WDR49: variants seen among roughly 807,000 people sequenced by gnomAD.
The protein encoded by WDR49 is cilia- and flagella-associated protein 337.
WDR49 carries 107 observed loss-of-function variants against 119.5 expected under a neutral mutation model. The ratio of observed to expected loss-of-function variants is 0.90; its 90% CI spans 0.77 to 1.05. The LOEUF (loss-of-function observed/expected upper bound fraction) is 1.05. WDR49 is among the 50% of genes least tolerant of loss of function. The probability of loss-of-function intolerance (pLI) is 0.00; values close to 1 mark genes in which losing one functional copy is unlikely to be tolerated. For synonymous variants in WDR49, 425 were observed against 418.8 expected (o/e 1.01, Z -0.18); for missense variants, 1,240 against 1,220.5 (o/e 1.02, Z -0.24).
At position 167,646,129 on chromosome 3, in the gene WDR49, C is replaced by G. The variant is rs1446741197; in HGVS notation, c.165+7132G>C. On this transcript the variant is annotated intron_variant, in intron 2 of 18. Transcript: ENST00000682715. ...TGACTGAAACTCTTTGGGTAATGGC[C>G]CAGGTCAGATAATTTTGTGATGGAC... Among the ~76,000 whole-genome samples the G allele has an allele frequency of 2.6e-5, 4 of 151,930 alleles. No homozygotes were observed. The East Asian group carries it at 7.7e-4, about 29-fold the overall frequency.
chr3:167,646,942 G>T (rs1187431711), intron 2 of WDR49, among the ~76,000 whole-genome samples: 1 of 152,014 alleles, frequency 6.6e-6, no homozygotes, highest in Admixed American at 6.6e-5. Flanking sequence ...CTTGGGAAAC[G>T]GTCAGAAATC....
intron 10 of WDR49, 51 bp from the exon 11 acceptor site, chr3:167,537,051 A>G (rs770020106): frequency 6.7e-7 from 1 of 1,503,118 alleles, no homozygotes. Context: ...TGATGTAGAC[A>G]TTGAGTAGCC....
intron 10 of WDR49, among the ~76,000 whole-genome samples, chr3:167,538,232 G>A (rs189440302): frequency 2.0e-5 from 3 of 152,044 alleles, no homozygotes; most frequent in Admixed American, 6.6e-5. Context: ...TGACAGTTCT[G>A]TATAATGCTT....
At chr3:167,592,600 A>G (rs1424115677) in intron 7 of WDR49, among the ~76,000 whole-genome samples, 1 of 151,836 alleles carries the variant, frequency 6.6e-6, no homozygotes. Context: ...ACGCCCAGCT[A>G]ATTTTTGTAT....
chr3:167,610,454 C>A (rs1716287785), intron 5 of WDR49, among the ~76,000 whole-genome samples: 1 of 152,176 alleles, frequency 6.6e-6, no homozygotes, highest in Non-Finnish European at 1.5e-5. Flanking sequence ...GCTTCTCTGC[C>A]TTTGGAAAAA....
chr3:167,572,086 A>T (rs1322158813), intron 8 of WDR49, among the ~76,000 whole-genome samples: 4 of 152,168 alleles, frequency 2.6e-5, no homozygotes, highest in African/African-American at 9.7e-5. Context: ...AAAAAGCTTC[A>T]TTTAAGAACT....
intron 10 of WDR49, 108 bp from the exon 11 acceptor site, chr3:167,537,108 T>C (rs1048012818): frequency 6.1e-6 from 7 of 1,144,732 alleles, no homozygotes; most frequent in Non-Finnish European, 7.9e-6. Flanking sequence ...AAGACTATGC[T>C]GCCCAAAATT....
intron 8 of WDR49, among the ~76,000 whole-genome samples, chr3:167,569,119 T>A (rs1258466891): frequency 6.6e-6 from 1 of 152,042 alleles, no homozygotes; most frequent in African/African-American, 2.4e-5. Flanking sequence ...TTTTTTCGTA[T>A]TTTTAGTAGA....
chr3:167,620,640 G>T (rs191260729), intron 4 of WDR49, 37 bp from the exon 5 acceptor site: 1 of 1,482,848 alleles, frequency 6.7e-7, no homozygotes, highest in Non-Finnish European at 8.9e-7. Context: ...AATCGTGGAC[G>T]GGATATTTGT....
intron 7 of WDR49, among the ~76,000 whole-genome samples, chr3:167,576,704 G>T (rs1257912156): frequency 6.6e-6 from 1 of 152,068 alleles, no homozygotes; most frequent in African/African-American, 2.4e-5. Context: ...ACAAAGGAAT[G>T]GTTTCTCCCC....
At chr3:167,629,582 C>A (rs1717277872) in intron 2 of WDR49, among the ~76,000 whole-genome samples, 1 of 151,962 alleles carries the variant, frequency 6.6e-6, no homozygotes, top group Non-Finnish European at 1.5e-5. Context: ...GTATAGCTGC[C>A]ATAGACAATG....
At chr3:167,531,000 AC>A in intron 13 of WDR49, 114 bp downstream of exon 13, 1 of 1,082,916 alleles carries the variant, frequency 9.2e-7, no homozygotes, top group Non-Finnish European at 1.3e-6. Context: ...CACTTGACAC[AC>A]TACTGACTGG....
intron 7 of WDR49, among the ~76,000 whole-genome samples, chr3:167,588,348 A>G (rs1714922645): frequency 6.6e-6 from 1 of 152,116 alleles, no homozygotes; most frequent in South Asian, 2.1e-4. Flanking sequence ...TAATCCATTT[A>G]TCTTTTGATG....
chr3:167,551,509 C>G (rs1031395087), intron 10 of WDR49, among the ~76,000 whole-genome samples: 4 of 151,970 alleles, frequency 2.6e-5, no homozygotes, highest in Admixed American at 2.0e-4. Flanking sequence ...GGTGTGATGA[C>G]TCCATTTGCA....
intron 2 of WDR49, among the ~76,000 whole-genome samples, chr3:167,633,767 G>A (rs1416415580): frequency 6.6e-6 from 1 of 151,918 alleles, no homozygotes; most frequent in African/African-American, 2.4e-5. Flanking sequence ...TGGGTTTTAT[G>A]CCTGGGTTTG....
intron 18 of WDR49, among the ~76,000 whole-genome samples, chr3:167,495,006 C>T (rs571334873): frequency 6.6e-6 from 1 of 152,268 alleles, no homozygotes; most frequent in East Asian, 1.9e-4. Flanking sequence ...GTCTCATTCT[C>T]TCTGCCGAAT....
chr3:167,544,664 T>C (rs1363117579), intron 10 of WDR49, among the ~76,000 whole-genome samples: 2 of 152,032 alleles, frequency 1.3e-5, no homozygotes, highest in Non-Finnish European at 2.9e-5. Flanking sequence ...GCTGGATCCT[T>C]GCCTCTTAAC....
At chr3:167,574,721 G>C (rs1426785782) in intron 8 of WDR49, among the ~76,000 whole-genome samples, 1 of 151,322 alleles carries the variant, frequency 6.6e-6, no homozygotes, top group Non-Finnish European at 1.5e-5. Context: ...TCATCTTATG[G>C]CCAGGCAACA....
At chr3:167,591,253 C>T (rs1012261767) in intron 7 of WDR49, among the ~76,000 whole-genome samples, 5 of 151,808 alleles carry the variant, frequency 3.3e-5, no homozygotes. Context: ...GTTTTAGTAC[C>T]TTGTGATTAG....
Sources: gnomAD v4.1 joint callset for allele counts (sites outside exome capture counted in the v4.1 genomes callset) on GRCh38, gnomAD v4.1.1 for gene constraint, MANE v1.5 for transcripts, NCBI Gene and HGNC (gene_info 2026-07-23, HGNC 2026-07-21) for gene names.